The following TDRD10 variants were observed in gnomAD, a reference collection of about 807,000 sequenced individuals.
TDRD10 encodes tudor domain-containing protein 10.
In TDRD10, 40 loss-of-function variants were observed where a neutral mutation model predicts 48.0. The ratio of observed to expected loss-of-function variants is 0.83; its 90% CI spans 0.65 to 1.09. The LOEUF (loss-of-function observed/expected upper bound fraction) is 1.09, where lower values mean the gene tolerates loss of function less well. Among genes scored for constraint, TDRD10 ranks in the 50% least tolerant of loss-of-function variants. TDRD10 has a pLI of 0.00. For missense variants in TDRD10, 378 were observed against 434.7 expected (o/e 0.87, Z 1.16); for synonymous variants, 162 against 170.4 (o/e 0.95, Z 0.38).
intron 4 of TDRD10, among the ~76,000 whole-genome samples, chr1:154,510,719 G>A (rs1388440800): frequency 2.6e-5 from 4 of 152,114 alleles, no homozygotes; most frequent in Non-Finnish European, 5.9e-5. Context: ...GGTCAGAGTT[G>A]AAAGATCATC....
At chr1:154,543,268 C>G (rs1373132275) in intron 8 of TDRD10, among the ~76,000 whole-genome samples, 1 of 151,992 alleles carries the variant, frequency 6.6e-6, no homozygotes, top group African/African-American at 2.4e-5. Flanking sequence ...GAGTGAGACT[C>G]CATCTCAAAA....
At chr1:154,517,480 G>A (rs1336039861) in intron 4 of TDRD10, among the ~76,000 whole-genome samples, 1 of 149,146 alleles carries the variant, frequency 6.7e-6, no homozygotes, top group Non-Finnish European at 1.5e-5. Flanking sequence ...GGAGCGCAAT[G>A]GTGCGATCTC....
chr1:154,506,775 G>A, intron 1 of TDRD10, 102 bp from the exon 2 acceptor site: 1 of 971,742 alleles, frequency 1.0e-6, no homozygotes, highest in Non-Finnish European at 1.7e-6. Flanking sequence ...GACCACTTTT[G>A]GTTGGGGAGG....
At chr1:154,527,202 C>T (rs560893686) in intron 6 of TDRD10, among the ~76,000 whole-genome samples, 4 of 152,316 alleles carry the variant, frequency 2.6e-5, no homozygotes, top group East Asian at 1.9e-4. Flanking sequence ...TGAGCCACTG[C>T]GCCTGGCCCT....
intron 1 of TDRD10, among the ~76,000 whole-genome samples, chr1:154,506,380 C>CTTT (rs35085696): frequency 2.8e-5 from 4 of 145,138 alleles, no homozygotes; most frequent in Non-Finnish European, 4.5e-5. Flanking sequence ...ACGTCTCTCT[C>CTTT]TTTTTTTTTT....
At position 154,529,813 on chromosome 1, in the gene TDRD10, G is replaced by A. The variant is rs12032148; in HGVS notation, c.369+8334G>A. Among the ~76,000 whole-genome samples, 8 of 152,154 alleles carry A rather than the reference G, an allele frequency of 5.3e-5. No individual in the cohort carries two copies. In the East Asian group the frequency reaches 1.2e-3, roughly 22 times the overall value. Reference sequence around the variant, plus strand: ...GCCTGTCTTGGCCTCCCAAAGTGCCGGGATTACAGGTGTGAGCTACTGCGC... The same window carrying A: ...GCCTGTCTTGGCCTCCCAAAGTGCCAGGATTACAGGTGTGAGCTACTGCGC... On this transcript the variant is annotated intron_variant, in intron 6 of 12. Coordinates refer to ENST00000368482, the MANE Select transcript of TDRD10 (RefSeq NM_182499.4).
chr1:154,527,827 A>G (rs1445237479), intron 6 of TDRD10, among the ~76,000 whole-genome samples: 1 of 152,240 alleles, frequency 6.6e-6, no homozygotes, highest in East Asian at 1.9e-4. Flanking sequence ...CCATTTTTAT[A>G]CTGCTGGCAA....
intron 5 of TDRD10, among the ~76,000 whole-genome samples, chr1:154,520,961 ACTCCTGGG>A (rs1385012699): frequency 1.3e-5 from 2 of 151,976 alleles, no homozygotes; most frequent in African/African-American, 4.8e-5. Flanking sequence ...CTGGTCTGGA[ACTCCTGGG>A]CTCAAGCGAT....
In TDRD10 at chr1:154,545,903, G is replaced by A. The variant is rs544265274; in HGVS notation, c.952+954G>A. The stretch of plus-strand genomic sequence containing the variant: ...CTCCCGCCTCAGCCTCCCAATTACA[G>A]GCACGCACCACCACACCCAGCTAAT... On this transcript the variant is annotated intron_variant, in intron 11 of 12. Coordinates refer to ENST00000368482, the MANE Select transcript of TDRD10 (RefSeq NM_182499.4). 1.0e-4 allele frequency among the ~76,000 whole-genome samples: 15 copies of A among 142,874 alleles called. No homozygotes were observed. In the South Asian group the frequency reaches 3.3e-3, roughly 32 times the overall value. The allele number at this position is 142,874 out of a possible 152,430, so 93.7% of individuals were successfully genotyped here.
At chr1:154,513,823 C>T (rs1693606868) in intron 4 of TDRD10, among the ~76,000 whole-genome samples, 1 of 152,206 alleles carries the variant, frequency 6.6e-6, no homozygotes, top group Non-Finnish European at 1.5e-5. Flanking sequence ...TATAGAACAG[C>T]TGACCTGATT....
chr1:154,539,571 C>T (rs1157877720), intron 6 of TDRD10, among the ~76,000 whole-genome samples: 1 of 152,214 alleles, frequency 6.6e-6, no homozygotes, highest in African/African-American at 2.4e-5. Context: ...CCTAGGCCTC[C>T]CAAAGTGCTG....
chr1:154,544,653 C>A (rs908424568), intron 10 of TDRD10, 136 bp downstream of exon 10: 46 of 1,466,630 alleles, frequency 3.1e-5, no homozygotes, highest in South Asian at 2.8e-4. Context: ...TCCTTATTTC[C>A]TCACTCAAGG....
intron 6 of TDRD10, among the ~76,000 whole-genome samples, chr1:154,525,906 A>T (rs1276545275): frequency 6.7e-6 from 1 of 148,290 alleles, no homozygotes. Flanking sequence ...AAAAAAAAAA[A>T]AAAAAAAAAA....
chr1:154,527,222 T>A (rs1377051007), intron 6 of TDRD10, among the ~76,000 whole-genome samples: 5 of 152,230 alleles, frequency 3.3e-5, no homozygotes, highest in East Asian at 1.9e-4. Flanking sequence ...TGAATTTTTT[T>A]AAATATTTGT....
intron 6 of TDRD10, among the ~76,000 whole-genome samples, chr1:154,521,746 CA>C (rs1694071844): frequency 6.6e-6 from 1 of 152,326 alleles, no homozygotes; most frequent in East Asian, 1.9e-4. Context: ...AGGGCTTTTT[CA>C]ACCTGGAATA....
At chr1:154,510,353 G>A (rs1055342363) in intron 4 of TDRD10, among the ~76,000 whole-genome samples, 1 of 152,214 alleles carries the variant, frequency 6.6e-6, no homozygotes, top group African/African-American at 2.4e-5. Flanking sequence ...AGCACTTTGG[G>A]AGGCTGAGGC....
At position 154,544,452 on chromosome 1, in the gene TDRD10, C is replaced by G; in HGVS notation, c.732C>G (p.Thr244=). ...EEQQPYLEGS[T]VMRGTRCLAE... ...AGCAGCCCTACCTGGAGGGCTCCAC[C>G]GTTATGCGCGGGACTCGCTGTCTGG... The change falls in exon 10 of 13, where the codon ACC becomes ACG. Residue 244 remains threonine, a synonymous_variant. Transcript: ENST00000368482. The G allele has an allele frequency of 1.2e-6, 2 of 1,612,594 alleles. No homozygotes were observed. The highest frequency in any genetic ancestry group is 1.7e-6 in the Non-Finnish European group (2 of 1,179,646).
chr1:154,546,441 G>A (rs999941052), intron 11 of TDRD10, among the ~76,000 whole-genome samples: 80 of 139,202 alleles, frequency 5.7e-4, no homozygotes, highest in African/African-American at 1.8e-3. Flanking sequence ...TATATATCAC[G>A]TAATATATAT....
intron 6 of TDRD10, among the ~76,000 whole-genome samples, chr1:154,531,697 G>A (rs962541049): frequency 3.9e-5 from 6 of 152,206 alleles, no homozygotes; most frequent in Admixed American, 1.3e-4. Flanking sequence ...TCCACAGTGC[G>A]TAAGGGGACC....
Sources: allele counts gnomAD v4.1 joint callset (sites outside exome capture counted in the v4.1 genomes callset), GRCh38; gene constraint gnomAD v4.1.1; transcripts MANE v1.5; gene names NCBI Gene and HGNC (gene_info 2026-07-23, HGNC 2026-07-21).